RAD54L2: variants seen among roughly 807,000 people sequenced by gnomAD.
RAD54L2 encodes helicase ARIP4.
A neutral mutation model predicts 138.4 loss-of-function variants in RAD54L2; 27 were observed. The observed-to-expected ratio is 0.20, with a 90% CI of 0.14 to 0.27. The LOEUF (loss-of-function observed/expected upper bound fraction) is 0.27, where lower values mean the gene tolerates loss of function less well. Ranked by LOEUF, RAD54L2 falls within the 10% of genes least tolerant of loss-of-function variation. RAD54L2 has a pLI of 1.00. For missense variants in RAD54L2, 1,396 were observed against 1,890.2 expected (o/e 0.74, Z 4.85); for synonymous variants, 644 against 723.2 (o/e 0.89, Z 1.76).
In RAD54L2 at chr3:51,645,261, A is replaced by G; in HGVS notation, c.2656+32A>G. The stretch of plus-strand genomic sequence containing the variant: ...CATCTTCCAGACTTCGGAGAGGCAC[A>G]TCTATACAGGCTACCATCCTTTTAG... On this transcript the variant is annotated intron_variant, in intron 17 of 22. Coordinates refer to ENST00000684192, the MANE Select transcript of RAD54L2 (RefSeq NM_015106.4). This position sits in a 1 kb window ranked among gnomAD's most constrained non-coding sequence, Gnocchi z 6.1. The G allele has an allele frequency of 6.4e-7, 1 of 1,555,640 alleles. No homozygotes were observed.
chr3:51,645,257 G>A lies in RAD54L2; in HGVS notation c.2656+28G>A, dbSNP rs1451059713. The A allele has an allele frequency of 6.4e-7, 1 of 1,566,686 alleles. No individual in the cohort carries two copies. Among genetic ancestry groups the A allele is most frequent in the Non-Finnish European group, 8.7e-7 (1 of 1,144,940 alleles). ...GGGCCATCTTCCAGACTTCGGAGAG[G>A]CACATCTATACAGGCTACCATCCTT... On this transcript the variant is annotated intron_variant, in intron 17 of 22. Transcript: ENST00000684192. This position sits in a 1 kb window ranked among gnomAD's most constrained non-coding sequence, Gnocchi z 6.1.
In RAD54L2 at chr3:51,637,151, C is replaced by T. The variant is rs1197535847; in HGVS notation, c.1340-10C>T. 1.3e-6 allele frequency: 2 copies of T among 1,568,538 alleles called. No individual in the cohort carries two copies. Among genetic ancestry groups the T allele is most frequent in the Non-Finnish European group, 1.7e-6 (2 of 1,156,086 alleles). On this transcript the variant is annotated splice_polypyrimidine_tract_variant and intron_variant, in intron 10 of 22. Transcript: ENST00000684192. The surrounding 1 kb of genome is among the most constrained non-coding windows in gnomAD (Gnocchi z 5.9). ...TCACCCTCTGACTCCGGATCCTCTT[C>T]CCTCCCTAGAGTTTGAGAAGGCTTT...
At chr3:51,572,881 G>T (rs1030957225) in intron 2 of RAD54L2, among the ~76,000 whole-genome samples, 1 of 151,538 alleles carries the variant, frequency 6.6e-6, no homozygotes, top group Non-Finnish European at 1.5e-5. Context: ...CTTGTGATTC[G>T]CCTGCCTCAG....
chr3:51,630,898 C>T lies in RAD54L2; in HGVS notation c.792C>T (p.Ala264=), dbSNP rs1160473270. 7 of 1,613,640 alleles carry T rather than the reference C, an allele frequency of 4.3e-6. No homozygotes were observed. The highest frequency in any genetic ancestry group is 1.1e-5 in the South Asian group (1 of 91,076). ...CAGAGGAGGAAAATGTCTTCCTTGCCCCACAGTTGGCACGGGCTGTGAAAC... is the reference window on the plus strand; with the variant it reads ...CAGAGGAGGAAAATGTCTTCCTTGCTCCACAGTTGGCACGGGCTGTGAAAC... ...HPPEEENVFL[A]PQLARAVKPH... Residue 264 remains alanine (A), a synonymous_variant, in exon 7 of 23, where the codon GCC becomes GCT. Coordinates refer to ENST00000684192, the MANE Select transcript of RAD54L2 (RefSeq NM_015106.4).
intron 2 of RAD54L2, among the ~76,000 whole-genome samples, chr3:51,588,525 A>G (rs1432096625): frequency 1.2e-4 from 17 of 145,938 alleles, no homozygotes; most frequent in Non-Finnish European, 2.3e-4. Flanking sequence ...ACAGAGTGAA[A>G]CTGCATCTCA....
intron 2 of RAD54L2, chr3:51,541,964 T>C (rs1698564709): frequency 6.6e-6 from 1 of 152,230 alleles, no homozygotes; most frequent in African/African-American, 2.4e-5. Context: ...CTTAAATAAA[T>C]GTTTTTGGCC....
At position 51,656,049 on chromosome 3, in the gene RAD54L2, C is replaced by T. The variant is rs1701591363; in HGVS notation, c.3105C>T (p.Pro1035=). 1.2e-6 allele frequency: 2 copies of T among 1,614,008 alleles called. No individual in the cohort carries two copies. Among genetic ancestry groups the T allele is most frequent in the Non-Finnish European group, 1.7e-6 (2 of 1,179,886 alleles). Residue 1035 remains proline (P), a synonymous_variant, in exon 20 of 23, where the codon CCC becomes CCT. Coordinates refer to ENST00000684192, the MANE Select transcript of RAD54L2 (RefSeq NM_015106.4). ...AGTCCACCCCCATCCCCATGATGCC[C>T]CGGCATGTCCCATTGGGAGGAAGTG... ...PVQSTPIPMM[P]RHVPLGGSVS... is the part of the protein sequence containing the mutation.
At chr3:51,652,885 T>C (rs989964569) in intron 19 of RAD54L2, among the ~76,000 whole-genome samples, 14 of 152,174 alleles carry the variant, frequency 9.2e-5, no homozygotes, top group Non-Finnish European at 1.5e-5. Flanking sequence ...ACTTCATGAC[T>C]AAAACACCAA....
At chr3:51,605,089 A>ATTTTT (rs35877053) in intron 3 of RAD54L2, among the ~76,000 whole-genome samples, 1 of 123,134 alleles carries the variant, frequency 8.1e-6, no homozygotes, top group East Asian at 2.4e-4. Context: ...TACCTGGCTA[A>ATTTTT]TTTTTTTTTT....
In RAD54L2 at chr3:51,641,876, A is replaced by C; in HGVS notation, c.2350+9A>C. On this transcript the variant is annotated intron_variant, in intron 15 of 22. Coordinates refer to ENST00000684192, the MANE Select transcript of RAD54L2 (RefSeq NM_015106.4). Reference sequence around the variant, plus strand: ...AAACATCAGCTACTTCCGTGAGTTCATTGTTGCGTTGTTCTTGAAGCCTTG... The same window carrying C: ...AAACATCAGCTACTTCCGTGAGTTCCTTGTTGCGTTGTTCTTGAAGCCTTG... 1.3e-6 allele frequency: 2 copies of C among 1,554,114 alleles called. No homozygotes were observed. Among genetic ancestry groups the C allele is most frequent in the Non-Finnish European group, 1.7e-6 (2 of 1,143,318 alleles).
intron 2 of RAD54L2, among the ~76,000 whole-genome samples, chr3:51,548,001 C>T (rs1374191898): frequency 1.3e-5 from 2 of 151,872 alleles, no homozygotes; most frequent in Non-Finnish European, 2.9e-5. Flanking sequence ...AAGCGATTCT[C>T]CTGCCTCAGC....
At chr3:51,644,919 G>T in intron 16 of RAD54L2, 105 bp from the exon 17 acceptor site, 1 of 1,131,178 alleles carries the variant, frequency 8.8e-7, no homozygotes, top group Non-Finnish European at 1.3e-6. Context: ...TGTACTTAGG[G>T]CTTAGGACAG....
At chr3:51,611,867 C>T (rs1334008762) in intron 3 of RAD54L2, among the ~76,000 whole-genome samples, 1 of 151,978 alleles carries the variant, frequency 6.6e-6, no homozygotes, top group Non-Finnish European at 1.5e-5. Context: ...ACCTTCTCTC[C>T]TTTCATACAG....
Position 51,662,485 on chromosome 3 carries a change from A to G in RAD54L2, c.3469A>G (p.Lys1157Glu), listed in dbSNP as rs142797468. The change falls in exon 23 of 23, where the codon AAA (lysine) becomes GAA (glutamate). Residue 1157 changes from lysine (K) to glutamate (E), a missense_variant. Physicochemically the swap from Lys to Glu is moderately conservative, Grantham distance 56. This residue lies in a region of RAD54L2 where 634 missense variants were observed against 711.2 expected (regional missense o/e 0.89). Transcript: ENST00000684192. This position sits in a 1 kb window ranked among gnomAD's most constrained non-coding sequence, Gnocchi z 4.6. ...SNGRHSASSP[K>E]APDPEGLARP... ...CGGCAGACACAGTGCCTCATCACCC[A>G]AAGCCCCCGACCCTGAGGGGCTGGC... 323 of 1,594,778 alleles carry G rather than the reference A, an allele frequency of 2.0e-4. No individual in the cohort carries two copies. The highest frequency in any genetic ancestry group is 2.1e-4 in the Non-Finnish European group (249 of 1,171,002).
chr3:51,627,559 C>A lies in RAD54L2; in HGVS notation c.146C>A (p.Ser49Tyr), dbSNP rs1396136816. Reference protein sequence around the residue: ...DDEEDLLDDPSLEGMCGTEHA... With the variant: ...DDEEDLLDDPYLEGMCGTEHA... ...TTTCCCCTTGTTTTTTCAGACCCATCCCTGGAAGGCATGTGTGGCACTGAG... is the reference window on the plus strand; with the variant it reads ...TTTCCCCTTGTTTTTTCAGACCCATACCTGGAAGGCATGTGTGGCACTGAG... The change falls in exon 4 of 23, where the codon TCC becomes TAC. Residue 49 changes from serine to tyrosine, a missense_variant. Ser to Tyr is a moderately radical substitution (Grantham distance 144). Transcript: ENST00000684192. 3 of 1,550,924 alleles carry A rather than the reference C, an allele frequency of 1.9e-6. No homozygotes were observed. Among genetic ancestry groups the A allele is most frequent in the Non-Finnish European group, 2.6e-6 (3 of 1,147,224 alleles).
At position 51,645,942 on chromosome 3, in the gene RAD54L2, T is replaced by A. The variant is rs1390282796; in HGVS notation, c.2829+179T>A. On this transcript the variant is annotated intron_variant, in intron 18 of 22. Coordinates refer to ENST00000684192, the MANE Select transcript of RAD54L2 (RefSeq NM_015106.4). This position sits in a 1 kb window ranked among gnomAD's most constrained non-coding sequence, Gnocchi z 6.1. ...CTTCCCACAACCACTTACCCCGTCC[T>A]CTAATCTGGTCCTGGGAGTGCTAAG... is the stretch of plus-strand genomic sequence containing the variant. Among the ~76,000 whole-genome samples the A allele has an allele frequency of 6.6e-6, 1 of 152,186 alleles. No homozygotes were observed. The highest frequency in any genetic ancestry group is 1.9e-4 in the East Asian group (1 of 5,196).
intron 19 of RAD54L2, among the ~76,000 whole-genome samples, chr3:51,653,308 T>C (rs1559654822): frequency 6.6e-6 from 1 of 152,128 alleles, no homozygotes; most frequent in Non-Finnish European, 1.5e-5. Flanking sequence ...TGTGGAGAAA[T>C]AGGAACACTT....
At chr3:51,634,358 ATTTTTTTTTTTT>A (rs61565460) in intron 9 of RAD54L2, among the ~76,000 whole-genome samples, 2,199 of 94,946 alleles carry the variant, frequency 0.023, 76 homozygotes, top group African/African-American at 0.092. Context: ...CCACTGTCTG[ATTTTTTTTTTTT>A]TTTTTTTTTT....
intron 19 of RAD54L2, among the ~76,000 whole-genome samples, chr3:51,653,803 G>A (rs1440259594): frequency 6.6e-6 from 1 of 152,138 alleles, no homozygotes; most frequent in Non-Finnish European, 1.5e-5. Context: ...ATGGGGGAGG[G>A]ATAGCATTAG....
Sources: gnomAD v4.1 joint callset for allele counts (sites outside exome capture counted in the v4.1 genomes callset) on GRCh38, gnomAD v4.1.1 for gene constraint, gnomAD v4.1.1 regional missense constraint, Gnocchi (gnomAD v3.1) non-coding constraint, MANE v1.5 for transcripts, NCBI Gene and HGNC (gene_info 2026-07-23, HGNC 2026-07-21) for gene names.